HMGA2: variants seen among roughly 807,000 people sequenced by gnomAD.
HMGA2 encodes the protein high mobility group AT-hook 2.
In HMGA2, 8 loss-of-function variants were observed where a neutral mutation model predicts 19.1. That is an observed-to-expected ratio of 0.42 (90% CI 0.25 to 0.76). The LOEUF is 0.76. Among genes scored for constraint, HMGA2 ranks in the 30% least tolerant of loss-of-function variants. The probability of loss-of-function intolerance (pLI) is 0.28; values close to 1 mark genes in which losing one functional copy is unlikely to be tolerated. For missense variants in HMGA2, 109 were observed against 136.3 expected, an observed-to-expected ratio of 0.80 and a Z score of 1.00; for synonymous variants, 60 against 48.8, an observed-to-expected ratio of 1.23 and a Z score of -0.96.
chr12:65,877,196 G>C (rs1873088508), intron 3 of HMGA2: 1 of 152,236 alleles, frequency 6.6e-6, no homozygotes, highest in South Asian at 2.1e-4. Flanking sequence ...GAGACCTTGG[G>C]AAAAGCTAAG....
At chr12:65,842,246 C>A in intron 3 of HMGA2, 1 of 566,152 alleles carries the variant, frequency 1.8e-6, no homozygotes, top group Non-Finnish European at 3.1e-6. Context: ...GTTTCCTCAT[C>A]TGCAAAAGGT....
At chr12:65,915,547 C>T (rs957772482) in intron 3 of HMGA2, 1 of 1,135,142 alleles carries the variant, frequency 8.8e-7, no homozygotes, top group African/African-American at 1.6e-5. Context: ...TCTGTCTCTT[C>T]AGTGCCATGT....
intron 3 of HMGA2, chr12:65,842,380 T>G: frequency 3.2e-6 from 2 of 621,880 alleles, no homozygotes; most frequent in Admixed American, 2.7e-5. Flanking sequence ...CTGTACACTT[T>G]CATTTTGACA....
rs879697382 is a variant in HMGA2 at position 65,922,463 on chromosome 12, C to T, written c.250-28920C>T. ...GGCCCTGTAACCCCTTTATTTTGGC[C>T]AATTTCTCCCATTTGGAATGGCTGT... is the stretch of plus-strand genomic sequence containing the variant. On this transcript the variant is annotated intron_variant, in intron 3 of 4. Coordinates refer to ENST00000403681, the MANE Select transcript of HMGA2 (RefSeq NM_003483.6). 3.6e-4 allele frequency among the ~76,000 whole-genome samples: 55 copies of T among 152,238 alleles called. No individual in the cohort carries two copies. The Middle Eastern group carries it at 0.014, about 38-fold the overall frequency.
At chr12:65,879,694 AAAAC>A (rs1410409356) in intron 3 of HMGA2, among the ~76,000 whole-genome samples, 1 of 152,206 alleles carries the variant, frequency 6.6e-6, no homozygotes, top group African/African-American at 2.4e-5. Context: ...CAAAAGTACA[AAAAC>A]AAAAACAGTA....
chr12:65,858,961 T>C (rs986271262), intron 3 of HMGA2: 5 of 152,244 alleles, frequency 3.3e-5, no homozygotes, highest in Non-Finnish European at 5.9e-5. Flanking sequence ...TTGCCACCCT[T>C]GACCTTTTGG....
chr12:65,881,450 T>A (rs1873379477), intron 3 of HMGA2: 2 of 463,394 alleles, frequency 4.3e-6, no homozygotes, highest in South Asian at 7.6e-5. Context: ...TAAATAAGAC[T>A]TGGCTAAAAA....
At chr12:65,899,605 T>C (rs953768760) in intron 3 of HMGA2, among the ~76,000 whole-genome samples, 11 of 152,224 alleles carry the variant, frequency 7.2e-5, no homozygotes, top group Non-Finnish European at 1.6e-4. Context: ...CTGACCAGCT[T>C]TCCGAATGCT....
At chr12:65,878,125 G>A (rs933384397) in intron 3 of HMGA2, among the ~76,000 whole-genome samples, 22 of 152,148 alleles carry the variant, frequency 1.4e-4, no homozygotes, top group African/African-American at 5.1e-4. Flanking sequence ...ACCTGGAAGC[G>A]CCATTCACAC....
intron 2 of HMGA2, among the ~76,000 whole-genome samples, chr12:65,831,851 A>G (rs1870492781): frequency 6.6e-6 from 1 of 151,982 alleles, no homozygotes; most frequent in Admixed American, 6.6e-5. Context: ...AATTTTCTTC[A>G]GAATATAGTA....
chr12:65,941,196 G>A (rs887686148), intron 3 of HMGA2, among the ~76,000 whole-genome samples: 3 of 152,072 alleles, frequency 2.0e-5, no homozygotes, highest in African/African-American at 4.8e-5. Flanking sequence ...GAGTAGATTC[G>A]GAAGACAAGA....
intron 3 of HMGA2, among the ~76,000 whole-genome samples, chr12:65,885,287 T>A (rs868737564): frequency 1.3e-5 from 2 of 152,278 alleles, no homozygotes; most frequent in South Asian, 2.1e-4. Flanking sequence ...AAACATGTTT[T>A]CAGCCCTGAT....
At chr12:65,910,719 A>G (rs999665187) in intron 3 of HMGA2, among the ~76,000 whole-genome samples, 2 of 152,122 alleles carry the variant, frequency 1.3e-5, no homozygotes, top group African/African-American at 2.4e-5. Flanking sequence ...TTTTTAAAAC[A>G]TCTTATTAGT....
chr12:65,911,849 G>A (rs1411217879), intron 3 of HMGA2, among the ~76,000 whole-genome samples: 1 of 152,140 alleles, frequency 6.6e-6, no homozygotes, highest in Non-Finnish European at 1.5e-5. Flanking sequence ...TCTCCAAGAT[G>A]TGGGGTTCAC....
intron 3 of HMGA2, among the ~76,000 whole-genome samples, chr12:65,935,481 C>T (rs1375943523): frequency 2.0e-5 from 3 of 151,996 alleles, no homozygotes; most frequent in Non-Finnish European, 4.4e-5. Context: ...CCTAACTACA[C>T]GTCTGTTTGA....
At chr12:65,901,317 G>A (rs1333834639) in intron 3 of HMGA2, among the ~76,000 whole-genome samples, 4 of 152,198 alleles carry the variant, frequency 2.6e-5, no homozygotes, top group East Asian at 3.9e-4. Context: ...ACTATCATCC[G>A]GTTTAACAAA....
At chr12:65,865,691 G>A (rs1008257009) in intron 3 of HMGA2, among the ~76,000 whole-genome samples, 7 of 146,698 alleles carry the variant, frequency 4.8e-5, no homozygotes, top group Non-Finnish European at 1.0e-4. Flanking sequence ...CTGGAGTGCA[G>A]TGGCTCAATC....
intron 3 of HMGA2, among the ~76,000 whole-genome samples, chr12:65,948,891 G>T (rs2121307774): frequency 6.6e-6 from 1 of 152,346 alleles, no homozygotes; most frequent in South Asian, 2.1e-4. Flanking sequence ...GGAGTCACAT[G>T]AATGCGGGAG....
At chr12:65,939,913 C>A (rs1358236854) in intron 3 of HMGA2, among the ~76,000 whole-genome samples, 1 of 152,094 alleles carries the variant, frequency 6.6e-6, no homozygotes, top group Admixed American at 6.5e-5. Context: ...GGGAAAGACT[C>A]GTATGGCATC....
Sources: allele counts gnomAD v4.1 joint callset (sites outside exome capture counted in the v4.1 genomes callset), GRCh38; gene constraint gnomAD v4.1.1; transcripts MANE v1.5; gene names NCBI Gene and HGNC (gene_info 2026-07-23, HGNC 2026-07-21).